AKAP7: variants seen among roughly 807,000 people sequenced by gnomAD.
AKAP7 encodes the protein A-kinase anchoring protein 7.
Under a neutral mutation model 39.5 loss-of-function variants are expected in AKAP7, and 39 were observed. The ratio of observed to expected loss-of-function variants is 0.99; its 90% CI spans 0.76 to 1.29. The LOEUF (loss-of-function observed/expected upper bound fraction) is 1.29, where lower values mean the gene tolerates loss of function less well. Ranked by LOEUF, AKAP7 falls within the 50% of genes most tolerant of loss-of-function variation. The pLI is 0.00. For missense variants in AKAP7, 414 were observed against 407.7 expected (o/e 1.02, Z -0.13); for synonymous variants, 140 against 139.1 (o/e 1.01, Z -0.05).
chr6:131,132,693 T>C (rs1322151133), upstream of AKAP7, among the ~76,000 whole-genome samples: 2 of 152,244 alleles, frequency 1.3e-5, no homozygotes, highest in Admixed American at 6.5e-5. Context: ...CATGTTATTT[T>C]ACTTGTACCT....
At chr6:131,161,042 C>T (rs963912751) in intron 3 of AKAP7, among the ~76,000 whole-genome samples, 2 of 152,172 alleles carry the variant, frequency 1.3e-5, no homozygotes, top group Non-Finnish European at 2.9e-5. Flanking sequence ...GTGATAATCT[C>T]TTTGACCAGG....
At chr6:131,128,793 A>G in the AKAP7 span, among the ~76,000 whole-genome samples, 52 of 146,884 alleles carry the variant, frequency 3.5e-4, no homozygotes, top group South Asian at 0.01. Flanking sequence ...TTGCACTCCA[A>G]CCTGGGCAAA....
intron 7 of AKAP7, among the ~76,000 whole-genome samples, chr6:131,241,227 A>G (rs567515895): frequency 7.2e-5 from 11 of 152,278 alleles, no homozygotes; most frequent in Admixed American, 2.6e-4. Context: ...AGTAGGCAGG[A>G]ATGGTAGTCT....
chr6:131,230,466 A>C (rs1172385255), intron 7 of AKAP7, among the ~76,000 whole-genome samples: 1 of 151,978 alleles, frequency 6.6e-6, no homozygotes, highest in East Asian at 1.9e-4. Flanking sequence ...TGTTGATTTA[A>C]GTTCCTTACA....
At chr6:131,149,356 T>C (rs1193590613) in intron 2 of AKAP7, among the ~76,000 whole-genome samples, 1 of 152,184 alleles carries the variant, frequency 6.6e-6, no homozygotes, top group African/African-American at 2.4e-5. Flanking sequence ...ATGGGGAGGC[T>C]GGGTGCCATG....
chr6:131,174,979 A>G (rs1440127041), intron 5 of AKAP7, among the ~76,000 whole-genome samples: 1 of 152,178 alleles, frequency 6.6e-6, no homozygotes, highest in Non-Finnish European at 1.5e-5. Context: ...ATAGTCTACT[A>G]TTGACTGAAA....
At chr6:131,181,593 A>G (rs1004429234) in intron 5 of AKAP7, among the ~76,000 whole-genome samples, 4 of 152,104 alleles carry the variant, frequency 2.6e-5, no homozygotes, top group Non-Finnish European at 4.4e-5. Flanking sequence ...CTAGGATAAA[A>G]TCTATTCTTC....
intron 7 of AKAP7, among the ~76,000 whole-genome samples, chr6:131,225,302 A>G (rs982296579): frequency 6.6e-5 from 10 of 152,202 alleles, no homozygotes; most frequent in African/African-American, 2.2e-4. Context: ...TCAGAAGCCC[A>G]TGTGGGTTTT....
chr6:131,282,709 G>T lies in AKAP7; in HGVS notation c.*983G>T. Reference sequence around the variant, plus strand: ...AGTTTCTGATAGTGTCTGCACAACAGCAAACCAACATTTGGTGAGGAATTA... The same window carrying T: ...AGTTTCTGATAGTGTCTGCACAACATCAAACCAACATTTGGTGAGGAATTA... On this transcript the variant is annotated 3_prime_UTR_variant, in exon 8 of 8. Transcript: ENST00000431975. 1 of 882,024 alleles carries T rather than the reference G, an allele frequency of 1.1e-6. No homozygotes were observed. Among genetic ancestry groups the T allele is most frequent in the Middle Eastern group, 2.6e-4 (1 of 3,854 alleles). 54.6% of individuals were successfully genotyped at this position (882,024 alleles called of 1,614,324 possible).
rs1449332285 is a variant in AKAP7, at chr6:131,197,534, TACTGATA to T, written c.590-1926_590-1920del. Reference sequence around the variant, plus strand: ...GACAACTCGAAGTTGCCCCACAGCTTACTGATATTCTATTCTCTGTTCTTTTTTCTTT... The same window carrying T: ...GACAACTCGAAGTTGCCCCACAGCTTTTCTATTCTCTGTTCTTTTTTCTTT... On this transcript the variant is annotated intron_variant, in intron 5 of 7. Transcript: ENST00000431975. 5.3e-5 allele frequency among the ~76,000 whole-genome samples: 8 copies of T among 152,206 alleles called. No individual in the cohort carries two copies. The South Asian group carries it at 1.0e-3, about 20-fold the overall frequency.
intron 7 of AKAP7, among the ~76,000 whole-genome samples, chr6:131,257,612 A>C (rs1812972902): frequency 6.6e-6 from 1 of 152,142 alleles, no homozygotes; most frequent in Non-Finnish European, 1.5e-5. Context: ...TAGCAAAGTC[A>C]ACCATGATCT....
chr6:131,257,265 G>A, intron 7 of AKAP7, among the ~76,000 whole-genome samples: 1 of 151,588 alleles, frequency 6.6e-6, no homozygotes, highest in East Asian at 1.9e-4. Context: ...AAAATTAACT[G>A]GGTGTGATAA....
intron 5 of AKAP7, among the ~76,000 whole-genome samples, chr6:131,191,823 C>T (rs939257641): frequency 1.3e-5 from 2 of 151,378 alleles, no homozygotes; most frequent in African/African-American, 4.9e-5. Context: ...TTCAGCCTGC[C>T]TGGTCCTCTG....
intron 7 of AKAP7, among the ~76,000 whole-genome samples, chr6:131,265,399 T>A (rs1813699017): frequency 1.3e-5 from 2 of 152,198 alleles, no homozygotes; most frequent in African/African-American, 4.8e-5. Context: ...CTCCCCAAAG[T>A]TCTGGGATTG....
intron 2 of AKAP7, among the ~76,000 whole-genome samples, chr6:131,148,652 A>G (rs1801669330): frequency 6.6e-6 from 1 of 152,196 alleles, no homozygotes; most frequent in African/African-American, 2.4e-5. Flanking sequence ...CTAAAACACT[A>G]AGGAACAAAT....
intron 7 of AKAP7, among the ~76,000 whole-genome samples, chr6:131,221,835 G>A (rs1809724350): frequency 6.6e-6 from 1 of 152,096 alleles, no homozygotes; most frequent in South Asian, 2.1e-4. Flanking sequence ...AATGATTACT[G>A]CTCATTGACA....
At chr6:131,259,810 ATT>A (rs1286639026) in intron 7 of AKAP7, among the ~76,000 whole-genome samples, 6 of 152,030 alleles carry the variant, frequency 3.9e-5, no homozygotes, top group African/African-American at 1.2e-4. Flanking sequence ...TTTAAATTTT[ATT>A]TTAAGTTCTG....
In AKAP7 at chr6:131,281,145, T is replaced by G. The variant is rs1562263273; in HGVS notation, c.851-385T>G. 6.6e-6 allele frequency among the ~76,000 whole-genome samples: 1 copy of G among 152,194 alleles called. No individual in the cohort carries two copies. Among genetic ancestry groups the G allele is most frequent in the East Asian group, 1.9e-4 (1 of 5,198 alleles). ...AATCTTGATGACCTGATATTTGATA[T>G]TCGAGAATGAGAAGCAGACATAGGC... On this transcript the variant is annotated intron_variant, in intron 7 of 7. Coordinates refer to ENST00000431975, the MANE Select transcript of AKAP7 (RefSeq NM_016377.4). This position sits in a 1 kb window ranked among gnomAD's most constrained non-coding sequence, Gnocchi z 4.0.
chr6:131,165,666 G>T (rs1803410734), intron 4 of AKAP7, among the ~76,000 whole-genome samples: 1 of 152,122 alleles, frequency 6.6e-6, no homozygotes, highest in Non-Finnish European at 1.5e-5. Context: ...AGCTATAAGA[G>T]CTGCCATTTT....
Sources: allele counts gnomAD v4.1 joint callset (sites outside exome capture counted in the v4.1 genomes callset), GRCh38; gene constraint gnomAD v4.1.1; non-coding constraint Gnocchi (gnomAD v3.1); transcripts MANE v1.5; gene names NCBI Gene and HGNC (gene_info 2026-07-23, HGNC 2026-07-21).